Variants in LIN9 observed in about 807,000 individuals in gnomAD.
The protein encoded by LIN9 is protein lin-9 homolog.
A neutral mutation model predicts 78.0 loss-of-function variants in LIN9; 18 were observed. That is an observed-to-expected ratio of 0.23 (90% CI 0.16 to 0.34). The LOEUF is 0.34. LIN9 is among the 10% of genes least tolerant of loss of function. LIN9 has a pLI of 1.00. For missense variants in LIN9, 451 were observed against 644.1 expected (o/e 0.70, Z 3.25); for synonymous variants, 192 against 215.2 (o/e 0.89, Z 0.94).
At chr1:226,257,565 C>A (rs1392972395) in intron 10 of LIN9, among the ~76,000 whole-genome samples, 1 of 151,964 alleles carries the variant, frequency 6.6e-6, no homozygotes. Flanking sequence ...TAGCACTACC[C>A]ATGAAGCTGT....
intron 10 of LIN9, among the ~76,000 whole-genome samples, chr1:226,260,628 G>GTTTTTTTTTTTTTTTTTTT: frequency 1.4e-5 from 1 of 73,436 alleles, no homozygotes; most frequent in Non-Finnish European, 2.6e-5. Context: ...GGCCAAATGA[G>GTTTTTTTTTTTTTTTTTTT]TTTTTTTTTT....
intron 10 of LIN9, among the ~76,000 whole-genome samples, chr1:226,264,990 T>C (rs1040043165): frequency 6.6e-6 from 1 of 152,194 alleles, no homozygotes; most frequent in African/African-American, 2.4e-5. Context: ...ATTTTCAAAC[T>C]CACTACATTT....
At chr1:226,259,519 A>G (rs1659424159) in intron 10 of LIN9, among the ~76,000 whole-genome samples, 1 of 152,220 alleles carries the variant, frequency 6.6e-6, no homozygotes, top group Non-Finnish European at 1.5e-5. Flanking sequence ...GGTCGTGCGG[A>G]AAATTCATGA....
Position 226,268,090 on chromosome 1 carries a change from G to A in LIN9, c.683C>T (p.Ala228Val). 1 of 1,612,916 alleles carries A rather than the reference G, an allele frequency of 6.2e-7. No individual in the cohort carries two copies. Among genetic ancestry groups the A allele is most frequent in the South Asian group, 1.1e-5 (1 of 90,892 alleles). ...LPLVIGTKVT[A>V]RLRGVHDGLF... ...ACCATCATGAACACCACGTAATCGTGCTGAGAAAAGAACAAAGGCATTATG... is the reference window on the plus strand; with the variant it reads ...ACCATCATGAACACCACGTAATCGTACTGAGAAAAGAACAAAGGCATTATG... The change falls in exon 8 of 15, where the codon GCA becomes GTA. Residue 228 changes from alanine (A) to valine (V), a missense_variant and splice_region_variant. Physicochemically the swap from Ala to Val is moderately conservative, Grantham distance 64. Transcript: ENST00000681046.
intron 11 of LIN9, among the ~76,000 whole-genome samples, chr1:226,247,253 A>C (rs1658541117): frequency 6.6e-6 from 1 of 152,104 alleles, no homozygotes; most frequent in African/African-American, 2.4e-5. Flanking sequence ...TTAACAAATT[A>C]AGCATTTAAA....
At chr1:226,301,296 G>A in intron 1 of LIN9, 91 bp from the exon 2 acceptor site, 2 of 895,306 alleles carry the variant, frequency 2.2e-6, no homozygotes, top group Non-Finnish European at 3.5e-6. Flanking sequence ...GATCCATTTA[G>A]TTTTAGTAAT....
chr1:226,261,872 A>G (rs1048592450), intron 10 of LIN9, among the ~76,000 whole-genome samples: 7 of 152,202 alleles, frequency 4.6e-5, no homozygotes, highest in African/African-American at 1.7e-4. Flanking sequence ...TTCAAAACAT[A>G]CTATAAACCT....
At chr1:226,273,821 C>G (rs1490393851) in intron 7 of LIN9, among the ~76,000 whole-genome samples, 12 of 149,796 alleles carry the variant, frequency 8.0e-5, no homozygotes, top group Non-Finnish European at 4.4e-5. Context: ...TACAATGCTC[C>G]CTCTCAACAT....
chr1:226,309,747 C>G, upstream of LIN9: 1 of 1,287,710 alleles, frequency 7.8e-7, no homozygotes, highest in Non-Finnish European at 1.0e-6. Flanking sequence ...CCCTCGCGAT[C>G]CGGGCACGCC....
chr1:226,301,251 G>C, intron 1 of LIN9, 46 bp from the exon 2 acceptor site: 1 of 1,488,938 alleles, frequency 6.7e-7, no homozygotes, highest in Non-Finnish European at 9.2e-7. Context: ...CATAACCAAA[G>C]TGAGAGAAAA....
intron 4 of LIN9, 98 bp downstream of exon 4, chr1:226,295,744 G>T (rs1020361234): frequency 4.2e-6 from 3 of 714,014 alleles, no homozygotes; most frequent in Admixed American, 3.0e-5. Context: ...TTAAAGAAAA[G>T]AACTTGTTAC....
chr1:226,309,424 G>T, upstream of LIN9: 3 of 998,808 alleles, frequency 3.0e-6, no homozygotes, highest in South Asian at 4.2e-5. Context: ...CGGCGCCGGA[G>T]CGCGGGGGGA....
chr1:226,304,946 C>G (rs1004966692), intron 1 of LIN9, among the ~76,000 whole-genome samples: 1 of 152,058 alleles, frequency 6.6e-6, no homozygotes, highest in African/African-American at 2.4e-5. Flanking sequence ...CACCTGTAAT[C>G]CCAGCACTTT....
In LIN9 at chr1:226,232,165, T is replaced by C; in HGVS notation, c.*336A>G. On this transcript the variant is annotated 3_prime_UTR_variant, in exon 15 of 15. Transcript: ENST00000681046. ...CTCCATTGCAGCAGTTGTCTGCATG[T>C]GTTGCGGTGAATTCATGCACATTAA... is the stretch of plus-strand genomic sequence containing the variant. 2.5e-6 allele frequency: 1 copy of C among 399,794 alleles called. No individual in the cohort carries two copies. The highest frequency in any genetic ancestry group is 4.4e-6 in the Non-Finnish European group (1 of 226,618). The allele number at this position is 399,794 out of a possible 1,614,324, so 24.8% of individuals were successfully genotyped here. A position where few individuals can be genotyped will look rare whatever the true frequency, so the allele number is the denominator to read the frequency against.
chr1:226,241,144 T>C (rs758766410), intron 11 of LIN9, among the ~76,000 whole-genome samples: 1 of 152,220 alleles, frequency 6.6e-6, no homozygotes, highest in Admixed American at 6.5e-5. Flanking sequence ...TAGTTTACCA[T>C]TGGTGCTTCC....
chr1:226,248,780 T>C (rs1194414912), intron 11 of LIN9, among the ~76,000 whole-genome samples: 1 of 152,174 alleles, frequency 6.6e-6, no homozygotes, highest in East Asian at 1.9e-4. Context: ...ATACTATTTA[T>C]GGAGAAGGCA....
chr1:226,237,843 C>T (rs1657822727), intron 12 of LIN9, among the ~76,000 whole-genome samples: 1 of 150,534 alleles, frequency 6.6e-6, no homozygotes, highest in Non-Finnish European at 1.5e-5. Context: ...ATCCTAGCTA[C>T]TCAGAAGGCT....
At chr1:226,296,363 G>A (rs1219987736) in intron 3 of LIN9, among the ~76,000 whole-genome samples, 1 of 152,184 alleles carries the variant, frequency 6.6e-6, no homozygotes, top group Non-Finnish European at 1.5e-5. Context: ...AATCACTCTA[G>A]AAGAGTAAGC....
At chr1:226,244,220 C>T (rs2102850590) in intron 11 of LIN9, among the ~76,000 whole-genome samples, 1 of 150,490 alleles carries the variant, frequency 6.6e-6, no homozygotes, top group South Asian at 2.1e-4. Flanking sequence ...CACTTGAGGC[C>T]AGGAGTTAAA....
Sources: allele counts gnomAD v4.1 joint callset (sites outside exome capture counted in the v4.1 genomes callset), GRCh38; gene constraint gnomAD v4.1.1; transcripts MANE v1.5; gene names NCBI Gene and HGNC (gene_info 2026-07-23, HGNC 2026-07-21).